Variants in ANKRD11 observed in about 807,000 individuals in gnomAD.
ANKRD11 encodes ankyrin repeat domain 11.
In ANKRD11, 17 loss-of-function variants were observed where a neutral mutation model predicts 195.7. The observed-to-expected ratio is 0.09, with a 90% CI of 0.06 to 0.13. The LOEUF (loss-of-function observed/expected upper bound fraction) is 0.13, where lower values mean the gene tolerates loss of function less well. Ranked by LOEUF, ANKRD11 falls within the 10% of genes least tolerant of loss-of-function variation. The pLI, the probability that ANKRD11 is intolerant of heterozygous loss-of-function variation, is 1.00. For synonymous variants in ANKRD11, 1,953 were observed against 1,528.1 expected (o/e 1.28, Z -6.49); for missense variants, 3,735 against 3,566.1 (o/e 1.05, Z -1.21).
intron 1 of ANKRD11, among the ~76,000 whole-genome samples, chr16:89,478,940 T>C (rs1202858537): frequency 1.3e-5 from 2 of 152,184 alleles, no homozygotes; most frequent in Admixed American, 1.3e-4. Context: ...GGTGTGTAAA[T>C]AATGACCCAA....
chr16:89,319,744 G>C (rs1054333593), intron 2 of ANKRD11, among the ~76,000 whole-genome samples: 2 of 152,250 alleles, frequency 1.3e-5, no homozygotes, highest in African/African-American at 4.8e-5. Context: ...ATCTAGCCCA[G>C]GCTACACCTC....
intron 1 of ANKRD11, among the ~76,000 whole-genome samples, chr16:89,469,855 G>A (rs367612393): frequency 4.2e-4 from 62 of 148,150 alleles, no homozygotes; most frequent in African/African-American, 1.4e-3. Context: ...CCAAGATCGC[G>A]CCCGGAGACA....
rs2041548030 is a variant in ANKRD11, at chr16:89,398,344, C to T, written c.-60+19940G>A. Among the ~76,000 whole-genome samples the T allele has an allele frequency of 2.2e-5, 2 of 90,478 alleles. 1 individual carries two copies. The highest frequency in any genetic ancestry group is 2.2e-4 in the Admixed American group (2 of 8,922). 59.4% of individuals were successfully genotyped at this position (90,478 alleles called of 152,430 possible). A position where few individuals can be genotyped will look rare whatever the true frequency, so the allele number is the denominator to read the frequency against. Reference sequence around the variant, plus strand: ...GAAACAGCTGAAGACTACCTGTGACCTCAGCACTCTAGGAGGCTGACATGA... The same window carrying T: ...GAAACAGCTGAAGACTACCTGTGACTTCAGCACTCTAGGAGGCTGACATGA... On this transcript the variant is annotated intron_variant, in intron 2 of 12. Transcript: ENST00000301030.
chr16:89,339,457 G>A (rs1157451812), intron 2 of ANKRD11, among the ~76,000 whole-genome samples: 1 of 144,180 alleles, frequency 6.9e-6, no homozygotes, highest in Non-Finnish European at 1.6e-5. Flanking sequence ...GGTCCGAGGA[G>A]CCCATCCTGC....
At chr16:89,288,293 G>A (rs899421882) in intron 7 of ANKRD11, 18 of 684,182 alleles carry the variant, frequency 2.6e-5, no homozygotes, top group African/African-American at 1.4e-4. Context: ...TAGCGGATAC[G>A]AGCCTTTCAT....
At chr16:89,426,230 C>G (rs760766367) in intron 1 of ANKRD11, among the ~76,000 whole-genome samples, 13 of 152,106 alleles carry the variant, frequency 8.5e-5, no homozygotes, top group African/African-American at 1.2e-4. Context: ...AGCTGTAGAT[C>G]AGAAACTGGG....
chr16:89,288,986 C>T (rs1597478818), intron 6 of ANKRD11: 3 of 469,050 alleles, frequency 6.4e-6, no homozygotes, highest in African/African-American at 2.0e-5. Context: ...ACAGCAGCCT[C>T]ATCCTCACCG....
intron 1 of ANKRD11, among the ~76,000 whole-genome samples, chr16:89,452,882 C>T (rs2044147328): frequency 6.6e-6 from 1 of 151,288 alleles, no homozygotes; most frequent in Admixed American, 6.6e-5. Flanking sequence ...ACATGGTCTT[C>T]TTGAAAGAAA....
At chr16:89,302,640 T>C (rs1368047181) in intron 4 of ANKRD11, among the ~76,000 whole-genome samples, 1 of 152,150 alleles carries the variant, frequency 6.6e-6, no homozygotes, top group Non-Finnish European at 1.5e-5. Flanking sequence ...ACAATCTTCC[T>C]AGGAAATCTA....
intron 2 of ANKRD11, chr16:89,328,973 C>T (rs2037900329): frequency 6.8e-6 from 1 of 147,254 alleles, no homozygotes; most frequent in African/African-American, 2.6e-5. Context: ...AGTGGAGGCC[C>T]CTGCTGAGTG....
chr16:89,360,227 A>G (rs1223856782), intron 2 of ANKRD11, among the ~76,000 whole-genome samples: 2 of 152,172 alleles, frequency 1.3e-5, no homozygotes, highest in Non-Finnish European at 2.9e-5. Flanking sequence ...TTCCCATAAA[A>G]GACATGATCT....
rs984948726 is a variant in ANKRD11, at chr16:89,282,186, G to T, written c.4356C>A (p.Ala1452=). 1 of 1,613,770 alleles carries T rather than the reference G, an allele frequency of 6.2e-7. No homozygotes were observed. The part of the protein sequence containing the change: ...EKELKPYGSS[A]INILKEKKKR... Reference sequence around the variant, plus strand: ...TCTTCTTCTCTTTTAGGATGTTGATGGCACTAGATCCATAAGGCTTTAGTT... The same window carrying T: ...TCTTCTTCTCTTTTAGGATGTTGATTGCACTAGATCCATAAGGCTTTAGTT... Residue 1452 remains alanine, a synonymous_variant, in exon 9 of 13, where the codon GCC becomes GCA. Transcript: ENST00000301030.
At chr16:89,301,515 C>G in intron 4 of ANKRD11, 6 of 398,830 alleles carry the variant, frequency 1.5e-5, no homozygotes, top group Non-Finnish European at 1.8e-5. Flanking sequence ...GCAAGCTGGT[C>G]TGAGAGGGCT....
chr16:89,274,980 T>C, intron 10 of ANKRD11, 23 bp from the exon 11 acceptor site: 1 of 1,612,684 alleles, frequency 6.2e-7, no homozygotes, highest in Admixed American at 1.7e-5. Flanking sequence ...AGGAGTAGAG[T>C]GAGCTGGGAC....
chr16:89,394,527 C>T (rs2041339330), intron 2 of ANKRD11, among the ~76,000 whole-genome samples: 1 of 151,976 alleles, frequency 6.6e-6, no homozygotes, highest in Non-Finnish European at 1.5e-5. Flanking sequence ...ACTCGGGAGG[C>T]TGAGGCAGGA....
At chr16:89,486,104 T>C (rs1026222269) in intron 1 of ANKRD11, among the ~76,000 whole-genome samples, 4 of 152,184 alleles carry the variant, frequency 2.6e-5, no homozygotes, top group Non-Finnish European at 4.4e-5. Context: ...TCTGCCTTAA[T>C]TGTGAAAACT....
At chr16:89,427,539 G>A (rs1488933065) in intron 1 of ANKRD11, among the ~76,000 whole-genome samples, 1 of 152,240 alleles carries the variant, frequency 6.6e-6, no homozygotes, top group Non-Finnish European at 1.5e-5. Context: ...GCTCACGCCT[G>A]TAATCACAGC....
In ANKRD11 at chr16:89,316,035, G is replaced by T. The variant is rs932206483; in HGVS notation, c.87+898C>A. On this transcript the variant is annotated intron_variant, in intron 3 of 12. Coordinates refer to ENST00000301030, the MANE Select transcript of ANKRD11 (RefSeq NM_013275.6). ...ACCAGGGACCACCGAGGGTCAGACA[G>T]GTCACAGATGAACGGCCTGCCACAC... Among the ~76,000 whole-genome samples the T allele has an allele frequency of 3.9e-5, 6 of 152,136 alleles. 1 individual carries two copies. The highest frequency in any genetic ancestry group is 1.4e-4 in the African/African-American group (6 of 41,422).
At chr16:89,487,416 A>G (rs2057655784) in intron 1 of ANKRD11, among the ~76,000 whole-genome samples, 1 of 152,240 alleles carries the variant, frequency 6.6e-6, no homozygotes, top group South Asian at 2.1e-4. Context: ...CTCTGCCCAT[A>G]TGCAAAATAA....
Sources: gnomAD v4.1 joint callset for allele counts (sites outside exome capture counted in the v4.1 genomes callset) on GRCh38, gnomAD v4.1.1 for gene constraint, MANE v1.5 for transcripts, NCBI Gene and HGNC (gene_info 2026-07-23, HGNC 2026-07-21) for gene names.